Variants in AP2A2 observed in about 807,000 individuals in gnomAD.
AP2A2 encodes AP-2 complex subunit alpha-2.
AP2A2 carries 32 observed loss-of-function variants against 104.2 expected under a neutral mutation model. That is an observed-to-expected ratio of 0.31 (90% confidence interval 0.23 to 0.41). The LOEUF (loss-of-function observed/expected upper bound fraction) is 0.41, where lower values mean the gene tolerates loss of function less well. AP2A2 is among the 10% of genes least tolerant of loss of function. AP2A2 has a pLI of 1.00. For missense variants in AP2A2, 912 were observed against 1,261.0 expected, an observed-to-expected ratio of 0.72 and a Z score of 4.19; for synonymous variants, 539 against 533.3, an observed-to-expected ratio of 1.01 and a Z score of -0.15.
intron 14 of AP2A2, among the ~76,000 whole-genome samples, chr11:996,983 C>G (rs1383214705): frequency 6.6e-6 from 1 of 151,894 alleles, no homozygotes; most frequent in East Asian, 1.9e-4. Flanking sequence ...CTATCCTGTG[C>G]TTTCCAATCT....
At chr11:997,972 AT>A (rs1855908920) in intron 14 of AP2A2, among the ~76,000 whole-genome samples, 1 of 152,256 alleles carries the variant, frequency 6.6e-6, no homozygotes, top group Admixed American at 6.5e-5. Context: ...CCAGGGTAAC[AT>A]CTGTGATGAG....
Position 958,175 on chromosome 11 carries a change from G to A in AP2A2, c.68-1262G>A, listed in dbSNP as rs146608356. On this transcript the variant is annotated intron_variant, in intron 1 of 21. Coordinates refer to ENST00000448903, the MANE Select transcript of AP2A2 (RefSeq NM_012305.4). ...TGGCCTTGTAAGAGGAAGAGAGAGC[G>A]TGCTCGCTTCATAAGCATGCGTCAA... Among the ~76,000 whole-genome samples the A allele has an allele frequency of 2.9e-3, 443 of 152,312 alleles. 4 individuals carry two copies. Among genetic ancestry groups the A allele is most frequent in the Non-Finnish European group, 5.1e-3 (350 of 68,034 alleles).
intron 1 of AP2A2, among the ~76,000 whole-genome samples, chr11:937,168 C>T (rs1444270513): frequency 2.6e-5 from 4 of 151,984 alleles, no homozygotes; most frequent in African/African-American, 7.2e-5. Flanking sequence ...TACAGGCGCC[C>T]GCCACTATGC....
chr11:927,428 C>T (rs142907364), intron 1 of AP2A2, among the ~76,000 whole-genome samples: 4 of 150,830 alleles, frequency 2.7e-5, no homozygotes, highest in African/African-American at 4.9e-5. Context: ...TCTCCTTAGA[C>T]GGGATGGAGG....
rs149169097 is a variant in AP2A2, at chr11:929,220, G to A, written c.67+3132G>A. ...CCATGTCACAGGCAGAGGGGTCCCC[G>A]CTTCCCCTTTCCCTGGCCAGCTCTG... On this transcript the variant is annotated intron_variant, in intron 1 of 21. Transcript: ENST00000448903. 2.7e-4 allele frequency among the ~76,000 whole-genome samples: 41 copies of A among 152,284 alleles called. No individual in the cohort carries two copies. In the East Asian group the frequency reaches 7.9e-3, roughly 29 times the overall value.
intron 3 of AP2A2, among the ~76,000 whole-genome samples, chr11:970,548 G>T (rs1374239574): frequency 6.6e-6 from 1 of 152,274 alleles, no homozygotes; most frequent in African/African-American, 2.4e-5. Flanking sequence ...CCCTCACAGG[G>T]TTCCTCCTCC....
rs763071474 is a variant in AP2A2, at chr11:1,009,733, G to A, written c.2658G>A (p.Ala886=). The A allele has an allele frequency of 1.7e-5, 26 of 1,559,502 alleles. No individual in the cohort carries two copies. Among genetic ancestry groups the A allele is most frequent in the Non-Finnish European group, 2.2e-5 (25 of 1,150,916 alleles). The change falls in exon 21 of 22, where the codon GCG becomes GCA. Residue 886 remains alanine, a synonymous_variant. Coordinates refer to ENST00000448903, the MANE Select transcript of AP2A2 (RefSeq NM_012305.4). ...TTGAAGAAGTTGATCCTAATCCTGC[G>A]AATTTCGTGGGAGCTGGAATCATCC... is the stretch of plus-strand genomic sequence containing the variant. The part of the protein sequence containing the change: ...ALLEEVDPNP[A]NFVGAGIIHT...
intron 17 of AP2A2, chr11:1,007,457 A>G (rs1460322768): frequency 6.4e-6 from 1 of 156,010 alleles, no homozygotes; most frequent in African/African-American, 2.4e-5. Context: ...CGAGCCCAGC[A>G]GCTGAGTGGC....
intron 1 of AP2A2, among the ~76,000 whole-genome samples, chr11:947,782 T>C (rs1213936765): frequency 2.1e-5 from 3 of 139,766 alleles, no homozygotes; most frequent in African/African-American, 7.9e-5. Context: ...GCAACAAAAG[T>C]GAGACCCCCG....
Position 993,194 on chromosome 11 carries a change from TGGTGTAGGGTGCACC to T in AP2A2, c.1453-88_1453-74del, listed in dbSNP as rs1855719971. ...CTCCAGGAAGCTGAGGGGCTGGTGC[TGGTGTAGGGTGCACC>T]GCGCCAGGACGTGCCCGCCTCGCCT... On this transcript the variant is annotated intron_variant, in intron 11 of 21. Coordinates refer to ENST00000448903, the MANE Select transcript of AP2A2 (RefSeq NM_012305.4). The surrounding 1 kb of genome is among the most constrained non-coding windows in gnomAD (Gnocchi z 8.2). 1.0e-6 allele frequency: 1 copy of T among 965,288 alleles called. No homozygotes were observed. The highest frequency in any genetic ancestry group is 1.5e-6 in the Non-Finnish European group (1 of 667,154). The allele number at this position is 965,288 out of a possible 1,614,324, so 59.8% of individuals were successfully genotyped here.
intron 1 of AP2A2, among the ~76,000 whole-genome samples, chr11:946,051 G>T (rs928945249): frequency 7.2e-5 from 11 of 152,214 alleles, no homozygotes; most frequent in Admixed American, 5.9e-4. Flanking sequence ...GAATGGTGGA[G>T]TGAGGCCTCT....
At chr11:976,872 TTGG>T (rs917241483) in intron 4 of AP2A2, among the ~76,000 whole-genome samples, 32 of 152,290 alleles carry the variant, frequency 2.1e-4, no homozygotes, top group Middle Eastern at 3.4e-3. Flanking sequence ...GCTGGTGGTT[TTGG>T]TGGTGAGAAG....
At chr11:934,213 G>A (rs1293227074) in intron 1 of AP2A2, among the ~76,000 whole-genome samples, 3 of 152,104 alleles carry the variant, frequency 2.0e-5, no homozygotes, top group Non-Finnish European at 4.4e-5. Flanking sequence ...TGCGTTCTTA[G>A]GAATAACACT....
At chr11:927,234 G>T (rs934413286) in intron 1 of AP2A2, among the ~76,000 whole-genome samples, 1 of 118,494 alleles carries the variant, frequency 8.4e-6, no homozygotes, top group African/African-American at 2.9e-5. Context: ...GCTGATTTTC[G>T]TGTTTTTTGT....
rs749356210 is a variant in AP2A2, at chr11:1,011,467, G to C, written c.*842G>C. On this transcript the variant is annotated 3_prime_UTR_variant, in exon 22 of 22. Coordinates refer to ENST00000448903, the MANE Select transcript of AP2A2 (RefSeq NM_012305.4). ...GTCCTTCCACCGGCCCCGTCCAGTC[G>C]TCCCTGGAGGGGCTGTGGAGGAGGG... The C allele has an allele frequency of 2.8e-5, 14 of 497,366 alleles. No homozygotes were observed. The highest frequency in any genetic ancestry group is 4.4e-5 in the Non-Finnish European group (11 of 249,468). 30.8% of individuals were successfully genotyped at this position (497,366 alleles called of 1,614,324 possible).
chr11:941,190 G>A (rs137976905), intron 1 of AP2A2, among the ~76,000 whole-genome samples: 100 of 152,160 alleles, frequency 6.6e-4, no homozygotes, highest in East Asian at 1.9e-3. Context: ...AAGCCTTTTC[G>A]GGTTCTCTGT....
rs927602561 is a variant in AP2A2 at position 953,099 on chromosome 11, G to C, written c.68-6338G>C. On this transcript the variant is annotated intron_variant, in intron 1 of 21. Coordinates refer to ENST00000448903, the MANE Select transcript of AP2A2 (RefSeq NM_012305.4). ...AAATTTGGGACATGGTAGTTGACTT[G>C]AATGTGTCAGTCTTGCCTGCAGGTC... Among the ~76,000 whole-genome samples, 41 of 152,204 alleles carry C rather than the reference G, an allele frequency of 2.7e-4. 1 individual carries two copies. Among genetic ancestry groups the C allele is most frequent in the Non-Finnish European group, 1.3e-4 (9 of 68,038 alleles).
At chr11:1,010,130 C>A in intron 21 of AP2A2, 1 of 477,356 alleles carries the variant, frequency 2.1e-6, no homozygotes, top group Non-Finnish European at 3.8e-6. Context: ...CATGGAGCAG[C>A]CTGGCCCTGG....
intron 1 of AP2A2, among the ~76,000 whole-genome samples, chr11:926,698 A>G (rs1352628488): frequency 6.6e-6 from 1 of 152,204 alleles, no homozygotes; most frequent in South Asian, 2.1e-4. Context: ...GATCTCACCT[A>G]CGACGATTAA....
Sources: allele counts gnomAD v4.1 joint callset (sites outside exome capture counted in the v4.1 genomes callset), GRCh38; gene constraint gnomAD v4.1.1; non-coding constraint Gnocchi (gnomAD v3.1); transcripts MANE v1.5; gene names NCBI Gene and HGNC (gene_info 2026-07-23, HGNC 2026-07-21).